ROBO1: variants seen among roughly 807,000 people sequenced by gnomAD.
ROBO1 encodes the protein roundabout guidance receptor 1, also known as roundabout homolog 1.
In ROBO1, 149 loss-of-function variants were observed where a neutral mutation model predicts 195.9. The ratio of observed to expected loss-of-function variants is 0.76; its 90% CI spans 0.67 to 0.87. ROBO1 has a LOEUF of 0.87. ROBO1 is among the 40% of genes least tolerant of loss of function. ROBO1 has a pLI of 0.00. For missense variants in ROBO1, 1,933 were observed against 2,068.3 expected (o/e 0.93, Z 1.27); for synonymous variants, 816 against 733.2 (o/e 1.11, Z -1.82).
chr3:79,506,951 G>C (rs1940430664), intron 2 of ROBO1, among the ~76,000 whole-genome samples: 1 of 152,166 alleles, frequency 6.6e-6, no homozygotes, highest in African/African-American at 2.4e-5. Flanking sequence ...TTACTGGAAG[G>C]CAATTTGTGT....
At chr3:78,994,376 G>A (rs1251595761) in intron 3 of ROBO1, among the ~76,000 whole-genome samples, 3 of 152,080 alleles carry the variant, frequency 2.0e-5, no homozygotes, top group African/African-American at 7.2e-5. Context: ...GAGAAAAAAG[G>A]GCAATTTTCT....
chr3:79,669,196 C>G (rs1485885821), intron 1 of ROBO1, among the ~76,000 whole-genome samples: 1 of 151,758 alleles, frequency 6.6e-6, no homozygotes, highest in East Asian at 2.0e-4. Context: ...CTCATGAGAT[C>G]TGATGGTTTT....
intron 26 of ROBO1, among the ~76,000 whole-genome samples, chr3:78,627,072 T>G (rs1360592349): frequency 6.6e-6 from 1 of 152,194 alleles, no homozygotes; most frequent in Non-Finnish European, 1.5e-5. Flanking sequence ...GTTATGAATG[T>G]AATAGTTGTA....
chr3:79,164,432 A>G (rs1476834690), intron 2 of ROBO1, among the ~76,000 whole-genome samples: 1 of 152,174 alleles, frequency 6.6e-6, no homozygotes, highest in African/African-American at 2.4e-5. Context: ...TATGATGAAA[A>G]TACAAAATCA....
intron 2 of ROBO1, among the ~76,000 whole-genome samples, chr3:79,560,697 A>G (rs1252808800): frequency 6.6e-6 from 1 of 151,798 alleles, no homozygotes; most frequent in Non-Finnish European, 1.5e-5. Context: ...AGAATTATAA[A>G]ATCACATTTA....
chr3:79,757,366 C>G (rs1704460491), intron 1 of ROBO1, among the ~76,000 whole-genome samples: 2 of 152,142 alleles, frequency 1.3e-5, no homozygotes. Context: ...ACCAACCTGA[C>G]AGACAATAAC....
intron 1 of ROBO1, among the ~76,000 whole-genome samples, chr3:79,686,397 AG>A (rs1166097243): frequency 6.6e-6 from 1 of 152,162 alleles, no homozygotes; most frequent in Non-Finnish European, 1.5e-5. Flanking sequence ...AAGGAAATAA[AG>A]GGTATTCAAT....
chr3:78,777,089 C>T (rs947206243), intron 4 of ROBO1, among the ~76,000 whole-genome samples: 4 of 151,844 alleles, frequency 2.6e-5, no homozygotes, highest in Admixed American at 6.6e-5. Flanking sequence ...AACTGGACCC[C>T]CAAGAGATTG....
chr3:79,124,321 T>G (rs1238995456), intron 3 of ROBO1, among the ~76,000 whole-genome samples: 1 of 152,152 alleles, frequency 6.6e-6, no homozygotes, highest in Non-Finnish European at 1.5e-5. Flanking sequence ...ATATTAAAGT[T>G]GTTTATAAAG....
rs137957486 is a variant in ROBO1 at position 79,755,416 on chromosome 3, A to T, written c.-51+12336T>A. Among the ~76,000 whole-genome samples, 125 of 152,236 alleles carry T rather than the reference A, an allele frequency of 8.2e-4. No homozygotes were observed. In the East Asian group the frequency reaches 0.019, roughly 23 times the overall value. The stretch of plus-strand genomic sequence containing the variant: ...AGCCCAATGGGTTACTCTTCTGAAA[A>T]CAAAAAACAAAACAAAAAAACCCTC... On this transcript the variant is annotated intron_variant, in intron 1 of 30. Coordinates refer to ENST00000464233, the MANE Select transcript of ROBO1 (RefSeq NM_002941.4).
intron 1 of ROBO1, among the ~76,000 whole-genome samples, chr3:79,712,896 G>A (rs1255708334): frequency 6.6e-6 from 1 of 152,044 alleles, no homozygotes; most frequent in East Asian, 1.9e-4. Flanking sequence ...AAGCCTAGGT[G>A]ATAGTACACC....
chr3:79,030,760 C>T (rs947170385), intron 3 of ROBO1, among the ~76,000 whole-genome samples: 8 of 152,100 alleles, frequency 5.3e-5, no homozygotes, highest in Admixed American at 2.6e-4. Flanking sequence ...CTCACTCTGT[C>T]GACCAGGCTG....
chr3:78,877,280 G>C (rs2035909989), intron 4 of ROBO1, among the ~76,000 whole-genome samples: 1 of 151,960 alleles, frequency 6.6e-6, no homozygotes, highest in Admixed American at 6.6e-5. Flanking sequence ...AGACCTCCAA[G>C]AATACATCTA....
chr3:78,696,255 T>C (rs1222609742), intron 8 of ROBO1, among the ~76,000 whole-genome samples: 2 of 152,220 alleles, frequency 1.3e-5, no homozygotes, highest in Admixed American at 6.5e-5. Flanking sequence ...CTTTCTGCTT[T>C]TAAGGTTGGA....
chr3:79,407,937 A>C (rs530350407), intron 2 of ROBO1, among the ~76,000 whole-genome samples: 1 of 152,296 alleles, frequency 6.6e-6, no homozygotes, highest in East Asian at 1.9e-4. Context: ...GGGGTTCTAT[A>C]AACTAGACAC....
intron 3 of ROBO1, among the ~76,000 whole-genome samples, chr3:79,033,815 G>A (rs531930606): frequency 6.2e-4 from 94 of 152,140 alleles, no homozygotes; most frequent in African/African-American, 2.2e-3. Context: ...AAAATACTCT[G>A]GTCTTCATTT....
chr3:79,272,360 G>C (rs2030641968), intron 2 of ROBO1, among the ~76,000 whole-genome samples: 2 of 151,956 alleles, frequency 1.3e-5, no homozygotes, highest in East Asian at 3.9e-4. Flanking sequence ...GAGCAAGATG[G>C]CCAAGTAGAA....
In ROBO1 at chr3:79,761,504, G is replaced by A. The variant is rs17017144; in HGVS notation, c.-51+6248C>T. Reference sequence around the variant, plus strand: ...TTACTTAACCTGGGTGGTAATTCAAGGGAACTTGTTTCACTCATTTTTGTG... The same window carrying A: ...TTACTTAACCTGGGTGGTAATTCAAAGGAACTTGTTTCACTCATTTTTGTG... On this transcript the variant is annotated intron_variant, in intron 1 of 30. Transcript: ENST00000464233. 6.7e-3 allele frequency among the ~76,000 whole-genome samples: 1,019 copies of A among 152,158 alleles called. 30 individuals carry two copies. Among genetic ancestry groups the A allele is most frequent in the Admixed American group, 0.049 (755 of 15,270 alleles).
intron 4 of ROBO1, among the ~76,000 whole-genome samples, chr3:78,765,171 T>C (rs2083198599): frequency 6.6e-6 from 1 of 152,132 alleles, no homozygotes. Flanking sequence ...TCTCGAAGTT[T>C]CTATATGCAG....
Sources: gnomAD v4.1 joint callset for allele counts (sites outside exome capture counted in the v4.1 genomes callset) on GRCh38, gnomAD v4.1.1 for gene constraint, MANE v1.5 for transcripts, NCBI Gene and HGNC (gene_info 2026-07-23, HGNC 2026-07-21) for gene names.